The following NUMBL variants were observed in gnomAD, a reference collection of about 807,000 sequenced individuals.
NUMBL encodes numb-like protein.
NUMBL carries 20 observed loss-of-function variants against 48.9 expected under a neutral mutation model. That is an observed-to-expected ratio of 0.41 (90% confidence interval 0.29 to 0.59). The LOEUF is 0.59. NUMBL is among the 20% of genes least tolerant of loss of function. NUMBL has a pLI of 0.31. For missense variants in NUMBL, 660 were observed against 846.2 expected, an observed-to-expected ratio of 0.78 and a Z score of 2.73; for synonymous variants, 340 against 348.7, an observed-to-expected ratio of 0.98 and a Z score of 0.28.
Position 40,680,972 on chromosome 19 carries a change from C to T in NUMBL, c.485G>A (p.Arg162His), listed in dbSNP as rs2081902320. The change falls in exon 6 of 10, where the codon CGT becomes CAT. Residue 162 changes from arginine to histidine, a missense_variant. By Grantham distance (29) the Arg-to-His change is conservative. Coordinates refer to ENST00000252891, the MANE Select transcript of NUMBL (RefSeq NM_004756.5). ...NLDKAFSYIC[R>H]DGTTRRWICH... is the part of the protein sequence containing the mutation. ...GATCCAGCGGCGGGTAGTCCCGTCA[C>T]GACAGATATAGGAGAAAGCCTTGTC... 2 of 1,613,984 alleles carry T rather than the reference C, an allele frequency of 1.2e-6. No individual in the cohort carries two copies. The highest frequency in any genetic ancestry group is 1.3e-5 in the African/African-American group (1 of 74,888).
At chr19:40,675,713 A>G (rs1387107926) in intron 7 of NUMBL, among the ~76,000 whole-genome samples, 3 of 151,306 alleles carry the variant, frequency 2.0e-5, no homozygotes, top group African/African-American at 7.3e-5. Flanking sequence ...GAGTTAAGAG[A>G]TATCTTTTAT....
In NUMBL at chr19:40,684,160, C is replaced by T. The variant is rs906885082; in HGVS notation, c.249+257G>A. The T allele has an allele frequency of 2.8e-5, 12 of 429,142 alleles. No homozygotes were observed. In the East Asian group the frequency reaches 5.7e-4, roughly 20 times the overall value. 26.6% of individuals were successfully genotyped at this position (429,142 alleles called of 1,614,324 possible). Reference sequence around the variant, plus strand: ...CTCGGCTCACTGCAATCTCCGCCTCCCGGGTTCAAGCGATTCTCCTGTCTC... The same window carrying T: ...CTCGGCTCACTGCAATCTCCGCCTCTCGGGTTCAAGCGATTCTCCTGTCTC... On this transcript the variant is annotated intron_variant, in intron 3 of 9. Coordinates refer to ENST00000252891, the MANE Select transcript of NUMBL (RefSeq NM_004756.5).
In NUMBL at chr19:40,684,522, G is replaced by C; in HGVS notation, c.144C>G (p.Ser48Arg). 3.7e-6 allele frequency: 6 copies of C among 1,608,588 alleles called. No homozygotes were observed. Among genetic ancestry groups the C allele is most frequent in the Non-Finnish European group, 5.1e-6 (6 of 1,177,878 alleles). Residue 48 changes from serine (S) to arginine (R), a missense_variant, in exon 3 of 10, where the codon AGC becomes AGG. Transcript: ENST00000252891. ...GAGTMNKLRQSLRRRKPAYVP... is the reference protein window; with the variant it reads ...GAGTMNKLRQRLRRRKPAYVP... Reference sequence around the variant, plus strand: ...CGTAGGCTGGCTTCCTCCGCCGCAGGCTCTGCCGTAACTTGTTCATGGTGC... The same window carrying C: ...CGTAGGCTGGCTTCCTCCGCCGCAGCCTCTGCCGTAACTTGTTCATGGTGC...
At position 40,668,056 on chromosome 19, in the gene NUMBL, C is replaced by G. The variant is rs1202590493; in HGVS notation, c.1242G>C (p.Glu414Asp). 6.3e-7 allele frequency: 1 copy of G among 1,591,704 alleles called. No individual in the cohort carries two copies. Among genetic ancestry groups the G allele is most frequent in the Non-Finnish European group, 8.5e-7 (1 of 1,169,890 alleles). ...CCTGTGACACCTCCTCCAGCCATCG[C>G]TCAGCCTCTGAAGGTGTCCGCTTGT... ...PGHKRTPSEA[E>D]RWLEEVSQVA... Residue 414 changes from glutamate (E) to aspartate (D), a missense_variant, in exon 10 of 10, where the codon GAG becomes GAC. This residue lies in a region of NUMBL where 296 missense variants were observed against 339.7 expected (regional missense o/e 0.87). Transcript: ENST00000252891.
rs577150076 is a variant in NUMBL at position 40,682,831 on chromosome 19, C to T, written c.325-29G>A. The stretch of plus-strand genomic sequence containing the variant: ...GAGGGAGGCAAGGGGACAAAGGAGC[C>T]GGGTCAGGGTGCCTCTCCCTGTCTG... On this transcript the variant is annotated intron_variant, in intron 4 of 9. Transcript: ENST00000252891. The surrounding 1 kb of genome is among the most constrained non-coding windows in gnomAD (Gnocchi z 4.0). 19 of 1,614,014 alleles carry T rather than the reference C, an allele frequency of 1.2e-5. No individual in the cohort carries two copies. The highest frequency in any genetic ancestry group is 4.4e-5 in the South Asian group (4 of 91,082).
intron 9 of NUMBL, among the ~76,000 whole-genome samples, chr19:40,669,130 C>A (rs1484297222): frequency 6.6e-6 from 1 of 152,084 alleles, no homozygotes; most frequent in Non-Finnish European, 1.5e-5. Flanking sequence ...TAAGATAATT[C>A]ATGGTTCTAA....
Position 40,684,453 on chromosome 19 carries a change from G to A in NUMBL, c.213C>T (p.Asp71=), listed in dbSNP as rs762840004. 3.2e-6 allele frequency: 5 copies of A among 1,581,924 alleles called. No homozygotes were observed. Among genetic ancestry groups the A allele is most frequent in the African/African-American group, 2.7e-5 (2 of 74,220 alleles). ...AGCTGCACGTGCCCTTCCGCACCGC[G>A]TCCTCGTCTGCCTGCCACTGGTGCG... ...SRPHQWQADE[D]AVRKGTCSFP... Residue 71 remains aspartate, a synonymous_variant, in exon 3 of 10, where the codon GAC becomes GAT. Coordinates refer to ENST00000252891, the MANE Select transcript of NUMBL (RefSeq NM_004756.5).
rs1344540908 is a variant in NUMBL at position 40,684,478 on chromosome 19, G to A, written c.188C>T (p.Pro63Leu). ...KPAYVPEASR[P>L]HQWQADEDAV... is the part of the protein sequence containing the mutation. ...GTCCTCGTCTGCCTGCCACTGGTGC[G>A]GGCGCGACGCCTCGGGCACGTAGGC... Residue 63 changes from proline (P) to leucine (L), a missense_variant, in exon 3 of 10, where the codon CCG becomes CTG. Pro to Leu is a moderately conservative substitution (Grantham distance 98). Transcript: ENST00000252891. 3.1e-6 allele frequency: 5 copies of A among 1,591,090 alleles called. No homozygotes were observed. The highest frequency in any genetic ancestry group is 4.3e-6 in the Non-Finnish European group (5 of 1,169,914).
rs919716905 is a variant in NUMBL, at chr19:40,673,196, G to A, written c.1036+148C>T. On this transcript the variant is annotated intron_variant, in intron 8 of 9. Coordinates refer to ENST00000252891, the MANE Select transcript of NUMBL (RefSeq NM_004756.5). This position sits in a 1 kb window ranked among gnomAD's most constrained non-coding sequence, Gnocchi z 5.9. Reference sequence around the variant, plus strand: ...TCCTCTCCCTTGCCCACTGCTAATCGATCATGACATGTTCCCACTCTCTCT... The same window carrying A: ...TCCTCTCCCTTGCCCACTGCTAATCAATCATGACATGTTCCCACTCTCTCT... 3.5e-6 allele frequency: 3 copies of A among 845,478 alleles called. No individual in the cohort carries two copies. Among genetic ancestry groups the A allele is most frequent in the East Asian group, 2.7e-5 (1 of 37,156 alleles). The allele number at this position is 845,478 out of a possible 1,614,324, so 52.4% of individuals were successfully genotyped here. A position where few individuals can be genotyped will look rare whatever the true frequency, so the allele number is the denominator to read the frequency against.
Position 40,673,809 on chromosome 19 carries a change from A to G in NUMBL, c.731-160T>C, listed in dbSNP as rs559457232. 6.6e-6 allele frequency among the ~76,000 whole-genome samples: 1 copy of G among 151,470 alleles called. No homozygotes were observed. Among genetic ancestry groups the G allele is most frequent in the South Asian group, 2.1e-4 (1 of 4,798 alleles). ...AAGCCCTGAGATATCCCTCACCCCCACCCAAGTCATGATCCCCTTCCCCAG... is the reference window on the plus strand; with the variant it reads ...AAGCCCTGAGATATCCCTCACCCCCGCCCAAGTCATGATCCCCTTCCCCAG... On this transcript the variant is annotated intron_variant, in intron 7 of 9. Coordinates refer to ENST00000252891, the MANE Select transcript of NUMBL (RefSeq NM_004756.5). This position sits in a 1 kb window ranked among gnomAD's most constrained non-coding sequence, Gnocchi z 5.9.
chr19:40,676,489 G>A (rs1306004497), intron 7 of NUMBL, among the ~76,000 whole-genome samples: 5 of 151,998 alleles, frequency 3.3e-5, no homozygotes, highest in Non-Finnish European at 5.9e-5. Flanking sequence ...AAGGCCAGGC[G>A]CGGTGGCTCA....
rs2144669149 is a variant in NUMBL at position 40,687,533 on chromosome 19, C to T, written c.25-538G>A. ...CAGCATGTCCTGGCCCACTCAGTTCCCACCGCAGACACCTGGTCACACCAC... is the reference window on the plus strand; with the variant it reads ...CAGCATGTCCTGGCCCACTCAGTTCTCACCGCAGACACCTGGTCACACCAC... On this transcript the variant is annotated intron_variant, in intron 1 of 9. Coordinates refer to ENST00000252891, the MANE Select transcript of NUMBL (RefSeq NM_004756.5). The surrounding 1 kb of genome is among the most constrained non-coding windows in gnomAD (Gnocchi z 4.6). Among the ~76,000 whole-genome samples the T allele has an allele frequency of 6.6e-6, 1 of 152,302 alleles. No homozygotes were observed. The highest frequency in any genetic ancestry group is 2.1e-4 in the South Asian group (1 of 4,822).
At position 40,677,304 on chromosome 19, in the gene NUMBL, C is replaced by T. The variant is rs764440607; in HGVS notation, c.658G>A (p.Ala220Thr). ...GACAGGCGGAAGGAGCCCTCGCGGG[C>T]GAAGCTGGTGCGGCTGGCATCGAAG... ...AAFDASRTSF[A>T]REGSFRLSGG... Residue 220 changes from alanine to threonine, a missense_variant, in exon 7 of 10, where the codon GCC becomes ACC. By Grantham distance (58) the Ala-to-Thr change is moderately conservative (BLOSUM62 0). Transcript: ENST00000252891. The T allele has an allele frequency of 7.4e-5, 119 of 1,611,090 alleles. 2 individuals are homozygous for T. The highest frequency in any genetic ancestry group is 1.7e-4 in the South Asian group (15 of 90,766).
Position 40,667,494 on chromosome 19 carries a change from G to C in NUMBL, c.1804C>G (p.Gln602Glu). ...KPSNPFSGDL[Q>E]KTFEIEL ...TACAGTTCAATCTCGAATGTCTTTT[G>C]CAGGTCGCCAGAAAAGGGGTTGGAG... Residue 602 changes from glutamine to glutamate, a missense_variant, in exon 10 of 10, where the codon CAA becomes GAA. Transcript: ENST00000252891. This position sits in a 1 kb window ranked among gnomAD's most constrained non-coding sequence, Gnocchi z 6.1. 1 of 1,600,560 alleles carries C rather than the reference G, an allele frequency of 6.2e-7. No homozygotes were observed. Among genetic ancestry groups the C allele is most frequent in the Non-Finnish European group, 8.5e-7 (1 of 1,173,768 alleles).
At chr19:40,684,702 G>T in intron 2 of NUMBL, 146 bp from the exon 3 acceptor site, 1 of 1,131,894 alleles carries the variant, frequency 8.8e-7, no homozygotes, top group Non-Finnish European at 1.2e-6. Context: ...CAGCGCACAT[G>T]GGATCAGCAG....
At chr19:40,668,180 T>G in intron 9 of NUMBL, 42 bp from the exon 10 acceptor site, 1 of 1,534,650 alleles carries the variant, frequency 6.5e-7, no homozygotes. Context: ...GGGCAACGGC[T>G]TCAGCAGAAG....
At position 40,688,679 on chromosome 19, in the gene NUMBL, G is replaced by A. The variant is rs2081946469; in HGVS notation, c.25-1684C>T. On this transcript the variant is annotated intron_variant, in intron 1 of 9. Coordinates refer to ENST00000252891, the MANE Select transcript of NUMBL (RefSeq NM_004756.5). The surrounding 1 kb of genome is among the most constrained non-coding windows in gnomAD (Gnocchi z 4.6). ...GCAGGTCAAACACAATAATATGGAA[G>A]CCATAATCATATACACACCCCTACA... is the stretch of plus-strand genomic sequence containing the variant. 6.6e-6 allele frequency among the ~76,000 whole-genome samples: 1 copy of A among 152,090 alleles called. No individual in the cohort carries two copies. The highest frequency in any genetic ancestry group is 2.4e-5 in the African/African-American group (1 of 41,406).
rs1286812305 is a variant in NUMBL at position 40,684,405 on chromosome 19, G to A, written c.249+12C>T. The A allele has an allele frequency of 2.6e-6, 4 of 1,552,232 alleles. No individual in the cohort carries two copies. Among genetic ancestry groups the A allele is most frequent in the East Asian group, 2.4e-5 (1 of 41,540 alleles). On this transcript the variant is annotated intron_variant, in intron 3 of 9. Transcript: ENST00000252891. ...CCCCCTCGCCCCGCCGCACCCTGCCGCGCCCACTCACCCTGACCGGGAAGC... is the reference window on the plus strand; with the variant it reads ...CCCCCTCGCCCCGCCGCACCCTGCCACGCCCACTCACCCTGACCGGGAAGC...
Position 40,677,320 on chromosome 19 carries a change from G to A in NUMBL, c.642C>T (p.Ala214=), listed in dbSNP as rs750958062. ...KECGVTAAFD[A]SRTSFAREGS... Reference sequence around the variant, plus strand: ...CCTCGCGGGCGAAGCTGGTGCGGCTGGCATCGAAGGCGGCCGTGACCCCAC... The same window carrying A: ...CCTCGCGGGCGAAGCTGGTGCGGCTAGCATCGAAGGCGGCCGTGACCCCAC... The change falls in exon 7 of 10, where the codon GCC becomes GCT. Residue 214 remains alanine (A), a synonymous_variant. Coordinates refer to ENST00000252891, the MANE Select transcript of NUMBL (RefSeq NM_004756.5). 6.2e-7 allele frequency: 1 copy of A among 1,611,950 alleles called. No individual in the cohort carries two copies. The highest frequency in any genetic ancestry group is 2.2e-5 in the East Asian group (1 of 44,858).
Sources: gnomAD v4.1 joint callset for allele counts (sites outside exome capture counted in the v4.1 genomes callset) on GRCh38, gnomAD v4.1.1 for gene constraint, gnomAD v4.1.1 regional missense constraint, Gnocchi (gnomAD v3.1) non-coding constraint, MANE v1.5 for transcripts, NCBI Gene and HGNC (gene_info 2026-07-23, HGNC 2026-07-21) for gene names.